The following ZBTB7C variants were observed in gnomAD, a reference collection of about 807,000 sequenced individuals.
The protein encoded by ZBTB7C is zinc finger and BTB domain-containing protein 7C.
ZBTB7C carries 8 observed loss-of-function variants against 25.7 expected under a neutral mutation model. The ratio of observed to expected loss-of-function variants is 0.31; its 90% CI spans 0.18 to 0.56. The LOEUF is 0.56. Ranked by LOEUF, ZBTB7C falls within the 20% of genes least tolerant of loss-of-function variation. The probability of loss-of-function intolerance (pLI) is 0.91; values close to 1 mark genes in which losing one functional copy is unlikely to be tolerated. For missense variants in ZBTB7C, 824 were observed against 855.2 expected (o/e 0.96, Z 0.46); for synonymous variants, 394 against 369.0 (o/e 1.07, Z -0.78).
intron 1 of ZBTB7C, among the ~76,000 whole-genome samples, chr18:48,394,705 G>C (rs190128030): frequency 6.6e-6 from 1 of 152,040 alleles, no homozygotes; most frequent in East Asian, 1.9e-4. Context: ...ACATTAGCAG[G>C]GGCAAAAATT....
chr18:48,118,091 C>T (rs937035843), intron 3 of ZBTB7C, among the ~76,000 whole-genome samples: 4 of 151,512 alleles, frequency 2.6e-5, no homozygotes, highest in Non-Finnish European at 5.9e-5. Context: ...CTGCAATCTC[C>T]ACCTCCCCGG....
chr18:48,249,073 G>A (rs2043774855), intron 2 of ZBTB7C, among the ~76,000 whole-genome samples: 1 of 152,184 alleles, frequency 6.6e-6, no homozygotes, highest in Non-Finnish European at 1.5e-5. Flanking sequence ...AAAGCAAGTT[G>A]AAATACTGTT....
At chr18:48,370,671 T>C (rs2145158685) in intron 1 of ZBTB7C, among the ~76,000 whole-genome samples, 1 of 152,108 alleles carries the variant, frequency 6.6e-6, no homozygotes, top group Non-Finnish European at 1.5e-5. Flanking sequence ...AAAAAATCCC[T>C]CCCAGAAGAT....
At chr18:48,343,783 A>G (rs898899698) in intron 1 of ZBTB7C, among the ~76,000 whole-genome samples, 22 of 152,000 alleles carry the variant, frequency 1.4e-4, no homozygotes, top group Non-Finnish European at 2.2e-4. Context: ...AACTTCCTTA[A>G]CAGGCCCCCT....
intron 2 of ZBTB7C, among the ~76,000 whole-genome samples, chr18:48,295,030 G>A (rs904989018): frequency 6.6e-6 from 1 of 152,016 alleles, no homozygotes; most frequent in African/African-American, 2.4e-5. Flanking sequence ...TAGGAGGTGA[G>A]AGGGCACACA....
chr18:48,138,366 C>T (rs1037456449), intron 3 of ZBTB7C, among the ~76,000 whole-genome samples: 13 of 152,158 alleles, frequency 8.5e-5, no homozygotes, highest in African/African-American at 3.1e-4. Context: ...CGGGGTATGC[C>T]CTGCAGGGAG....
intron 3 of ZBTB7C, among the ~76,000 whole-genome samples, chr18:48,090,873 C>A (rs758586426): frequency 2.0e-5 from 3 of 152,194 alleles, no homozygotes; most frequent in Non-Finnish European, 2.9e-5. Flanking sequence ...TCTCTTAACT[C>A]CTGAAGCAGA....
intron 1 of ZBTB7C, among the ~76,000 whole-genome samples, chr18:48,361,320 T>C (rs1299915811): frequency 6.6e-6 from 1 of 152,186 alleles, no homozygotes; most frequent in Non-Finnish European, 1.5e-5. Flanking sequence ...AGACAGGCAC[T>C]AATATTCCAG....
Position 48,178,273 on chromosome 18 carries a change from C to T in ZBTB7C, c.-17+7661G>A, listed in dbSNP as rs192370073. ...TTAATGTATTTGGTACTTGTCTGCA[C>T]GGGAGGCCCCACATTGCCATGCTCA... is the stretch of plus-strand genomic sequence containing the variant. On this transcript the variant is annotated intron_variant, in intron 3 of 4. Coordinates refer to ENST00000590800, the MANE Select transcript of ZBTB7C (RefSeq NM_001318841.2). 2.0e-4 allele frequency among the ~76,000 whole-genome samples: 31 copies of T among 152,256 alleles called. 1 individual carries two copies. The highest frequency in any genetic ancestry group is 1.2e-3 in the South Asian group (6 of 4,830).
chr18:48,082,354 T>C (rs1019561114), intron 3 of ZBTB7C, among the ~76,000 whole-genome samples: 1 of 152,146 alleles, frequency 6.6e-6, no homozygotes, highest in Non-Finnish European at 1.5e-5. Context: ...AATGATCAAA[T>C]TGTTAGTCAT....
chr18:48,358,103 C>T (rs1200539384), intron 1 of ZBTB7C, among the ~76,000 whole-genome samples: 1 of 152,198 alleles, frequency 6.6e-6, no homozygotes, highest in African/African-American at 2.4e-5. Context: ...GTAATCCCAA[C>T]ATTTTGGGAG....
Position 48,164,972 on chromosome 18 carries a change from G to T in ZBTB7C, c.-17+20962C>A, listed in dbSNP as rs1408807153. Reference sequence around the variant, plus strand: ...CAAGTAGCTTGACTGAGGTCACCCAGCTGGCAAAGGGAGCAGGGTTATATT... The same window carrying T: ...CAAGTAGCTTGACTGAGGTCACCCATCTGGCAAAGGGAGCAGGGTTATATT... On this transcript the variant is annotated intron_variant, in intron 3 of 4. Transcript: ENST00000590800. 2.0e-5 allele frequency among the ~76,000 whole-genome samples: 3 copies of T among 152,192 alleles called. No individual in the cohort carries two copies. The East Asian group carries it at 5.8e-4, about 29-fold the overall frequency.
chr18:48,300,469 T>G (rs2045516343), intron 2 of ZBTB7C, among the ~76,000 whole-genome samples: 1 of 152,116 alleles, frequency 6.6e-6, no homozygotes, highest in South Asian at 2.1e-4. Context: ...TCCACCCTCA[T>G]TTTGCAGCTG....
chr18:48,195,223 T>C (rs1397906349), intron 2 of ZBTB7C, among the ~76,000 whole-genome samples: 1 of 152,226 alleles, frequency 6.6e-6, no homozygotes, highest in Non-Finnish European at 1.5e-5. Flanking sequence ...TTGTTTCTAT[T>C]ATTATTTCTT....
chr18:48,189,124 G>A (rs2042133604), intron 2 of ZBTB7C, among the ~76,000 whole-genome samples: 1 of 152,162 alleles, frequency 6.6e-6, no homozygotes, highest in South Asian at 2.1e-4. Flanking sequence ...CTTTCTCAGG[G>A]AATTCTAACC....
intron 3 of ZBTB7C, among the ~76,000 whole-genome samples, chr18:48,098,807 C>CA (rs1247386304): frequency 6.6e-6 from 1 of 152,222 alleles, no homozygotes; most frequent in Non-Finnish European, 1.5e-5. Context: ...TGACCTTACA[C>CA]AACCAGCAAG....
At chr18:48,226,797 G>A (rs1373263378) in intron 2 of ZBTB7C, among the ~76,000 whole-genome samples, 1 of 152,188 alleles carries the variant, frequency 6.6e-6, no homozygotes, top group South Asian at 2.1e-4. Context: ...AAGGCAGGCA[G>A]ATCATGAATT....
intron 4 of ZBTB7C, among the ~76,000 whole-genome samples, chr18:48,039,191 A>G (rs2036105872): frequency 6.6e-6 from 1 of 152,226 alleles, no homozygotes; most frequent in African/African-American, 2.4e-5. Flanking sequence ...CCTTAAATGG[A>G]AAGGCAAAGA....
At chr18:48,105,722 T>C (rs944612376) in intron 3 of ZBTB7C, among the ~76,000 whole-genome samples, 1 of 152,124 alleles carries the variant, frequency 6.6e-6, no homozygotes, top group Non-Finnish European at 1.5e-5. Context: ...GGAGAGTTGC[T>C]GCTGAGAGAG....
Sources: allele counts gnomAD v4.1 joint callset (sites outside exome capture counted in the v4.1 genomes callset), GRCh38; gene constraint gnomAD v4.1.1; transcripts MANE v1.5; gene names NCBI Gene and HGNC (gene_info 2026-07-23, HGNC 2026-07-21).